Variants in BCAS4 observed in about 807,000 individuals in gnomAD.
BCAS4 encodes the protein breast carcinoma amplified sequence 4.
A neutral mutation model predicts 15.7 loss-of-function variants in BCAS4; 9 were observed. That is an observed-to-expected ratio of 0.57 (90% CI 0.34 to 1.00). The LOEUF is 1.00. BCAS4 is among the 50% of genes least tolerant of loss of function. BCAS4 has a pLI of 0.02. For missense variants in BCAS4, 225 were observed against 239.1 expected, an observed-to-expected ratio of 0.94 and a Z score of 0.39; for synonymous variants, 101 against 99.5, an observed-to-expected ratio of 1.02 and a Z score of -0.09.
intron 1 of BCAS4, among the ~76,000 whole-genome samples, chr20:50,795,698 A>C (rs2123735887): frequency 6.6e-6 from 1 of 152,368 alleles, no homozygotes; most frequent in East Asian, 1.9e-4. Flanking sequence ...GTTGTGAAAA[A>C]GTTATTTGTC....
chr20:50,869,727 T>C (rs1328341271), intron 4 of BCAS4, among the ~76,000 whole-genome samples: 2 of 148,858 alleles, frequency 1.3e-5, no homozygotes, highest in African/African-American at 5.0e-5. Context: ...AGGGATCAAA[T>C]CTGGCCTGGC....
intron 1 of BCAS4, among the ~76,000 whole-genome samples, chr20:50,810,127 T>G (rs2088042064): frequency 1.3e-5 from 2 of 151,840 alleles, no homozygotes; most frequent in Admixed American, 1.3e-4. Context: ...GGCTAGGACC[T>G]CTAAGTTATT....
At chr20:50,847,799 T>C (rs6020791) in intron 4 of BCAS4, among the ~76,000 whole-genome samples, 4,515 of 152,204 alleles carry the variant, frequency 0.03, 205 homozygotes, top group African/African-American at 0.1. Context: ...TCCCAGCACT[T>C]TGGGAGGCCT....
chr20:50,871,657 G>T (rs1346023492), intron 4 of BCAS4, among the ~76,000 whole-genome samples: 1 of 152,270 alleles, frequency 6.6e-6, no homozygotes, highest in Non-Finnish European at 1.5e-5. Context: ...AGTGATATTG[G>T]CAGGACTCTG....
rs1334156647 is a variant in BCAS4, at chr20:50,830,324, C to T, written c.208C>T (p.Leu70Phe). 3 of 1,613,928 alleles carry T rather than the reference C, an allele frequency of 1.9e-6. No homozygotes were observed. Among genetic ancestry groups the T allele is most frequent in the African/African-American group, 1.3e-5 (1 of 74,928 alleles). ...GATCCTGGAGGAAAACATCCCAGTC[C>T]TTAAGGCCAAACTGACAGAAATGCG... The part of the protein sequence containing the change: ...SQILEENIPV[L>F]KAKLTEMRGI... Residue 70 changes from leucine (L) to phenylalanine (F), a missense_variant, in exon 3 of 5, where the codon CTT becomes TTT. By Grantham distance (22) the Leu-to-Phe change is conservative (BLOSUM62 0). Transcript: ENST00000371608.
At chr20:50,841,626 C>T in intron 3 of BCAS4, 140 bp from the exon 4 acceptor site, 2 of 1,147,150 alleles carry the variant, frequency 1.7e-6, no homozygotes, top group Non-Finnish European at 2.5e-6. Flanking sequence ...GCAGGCCCTG[C>T]TGCCTTGCAG....
chr20:50,865,649 A>G (rs1979318185), intron 4 of BCAS4, among the ~76,000 whole-genome samples: 1 of 152,302 alleles, frequency 6.6e-6, no homozygotes, highest in South Asian at 2.1e-4. Context: ...AGCAGCCCCA[A>G]GCCCTGTGCT....
chr20:50,823,495 A>G (rs1212387617), intron 2 of BCAS4, among the ~76,000 whole-genome samples: 1 of 152,186 alleles, frequency 6.6e-6, no homozygotes, highest in Non-Finnish European at 1.5e-5. Flanking sequence ...TATACACAGC[A>G]ACATAGATGA....
chr20:50,798,910 C>A (rs890578906), intron 1 of BCAS4, among the ~76,000 whole-genome samples: 2 of 152,184 alleles, frequency 1.3e-5, no homozygotes, highest in Non-Finnish European at 1.5e-5. Context: ...CAAACAGAGG[C>A]TCTCATGGCA....
At chr20:50,828,611 C>T (rs1188698462) in intron 2 of BCAS4, among the ~76,000 whole-genome samples, 1 of 152,154 alleles carries the variant, frequency 6.6e-6, no homozygotes, top group Non-Finnish European at 1.5e-5. Flanking sequence ...GAAACCCCGT[C>T]TCTACTAAAA....
intron 1 of BCAS4, among the ~76,000 whole-genome samples, chr20:50,810,589 GTT>G (rs11316235): frequency 1.4e-4 from 19 of 136,002 alleles, no homozygotes; most frequent in African/African-American, 2.7e-4. Flanking sequence ...TTTTTTTTGT[GTT>G]TTTTTTTTTT....
chr20:50,838,208 T>C (rs1396110085), intron 3 of BCAS4, among the ~76,000 whole-genome samples: 1 of 152,362 alleles, frequency 6.6e-6, no homozygotes, highest in African/African-American at 2.4e-5. Context: ...ATATGGGCCC[T>C]GTCTCCTGGA....
intron 4 of BCAS4, among the ~76,000 whole-genome samples, chr20:50,857,764 G>C (rs1978844694): frequency 6.6e-6 from 1 of 152,182 alleles, no homozygotes; most frequent in Admixed American, 6.5e-5. Flanking sequence ...TGAGGGAATG[G>C]GCAGGTAGTG....
intron 1 of BCAS4, among the ~76,000 whole-genome samples, chr20:50,810,451 G>T (rs6096110): frequency 0.43 from 64,650 of 151,940 alleles, 16,315 homozygotes; most frequent in African/African-American, 0.72. Flanking sequence ...GTACCTATTA[G>T]TTGCCAGACT....
rs945486288 is a variant in BCAS4, at chr20:50,855,003, G to T, written c.399+13103G>T. ...AGGAGCACGCCGGTGCTCAGGGGTGGCCGGGTTCGTGGTGTGTCTCAAGCC... is the reference window on the plus strand; with the variant it reads ...AGGAGCACGCCGGTGCTCAGGGGTGTCCGGGTTCGTGGTGTGTCTCAAGCC... On this transcript the variant is annotated intron_variant, in intron 4 of 4. Coordinates refer to ENST00000371608, the MANE Select transcript of BCAS4 (RefSeq NM_198799.4). Among the ~76,000 whole-genome samples the T allele has an allele frequency of 7.2e-5, 11 of 152,310 alleles. 1 individual carries two copies. In the East Asian group the frequency reaches 1.5e-3, roughly 21 times the overall value.
chr20:50,836,864 C>T (rs1025962613), intron 3 of BCAS4, among the ~76,000 whole-genome samples: 3 of 152,150 alleles, frequency 2.0e-5, no homozygotes, highest in South Asian at 2.1e-4. Context: ...TGTGCCACCA[C>T]GCCCAGCTAA....
chr20:50,875,109 A>T (rs1979854846), intron 4 of BCAS4, among the ~76,000 whole-genome samples: 1 of 152,210 alleles, frequency 6.6e-6, no homozygotes, highest in South Asian at 2.1e-4. Context: ...GGGAGCTGTG[A>T]AATGTCCCAC....
intron 4 of BCAS4, 42 bp from the exon 5 acceptor site, chr20:50,876,444 G>A (rs753930513): frequency 1.9e-6 from 3 of 1,607,112 alleles, no homozygotes; most frequent in Non-Finnish European, 2.5e-6. Flanking sequence ...TGGAACAAGT[G>A]GATCCAAATC....
intron 2 of BCAS4, among the ~76,000 whole-genome samples, chr20:50,819,369 T>C (rs60829093): frequency 0.2 from 29,873 of 151,828 alleles, 3,697 homozygotes; most frequent in African/African-American, 0.36. Flanking sequence ...AGCTCCATAT[T>C]GTGACCAGGC....
Sources: allele counts gnomAD v4.1 joint callset (sites outside exome capture counted in the v4.1 genomes callset), GRCh38; gene constraint gnomAD v4.1.1; transcripts MANE v1.5; gene names NCBI Gene and HGNC (gene_info 2026-07-23, HGNC 2026-07-21).